The following KCNH8 variants were observed in gnomAD, a reference collection of about 807,000 sequenced individuals.
KCNH8 encodes potassium voltage-gated channel subfamily H member 8.
KCNH8 carries 70 observed loss-of-function variants against 103.6 expected under a neutral mutation model. That is an observed-to-expected ratio of 0.68 (90% CI 0.56 to 0.82). The LOEUF is 0.82. Ranked by LOEUF, KCNH8 falls within the 40% of genes least tolerant of loss-of-function variation. The pLI is 0.00. For synonymous variants in KCNH8, 498 were observed against 489.4 expected, an observed-to-expected ratio of 1.02 and a Z score of -0.23; for missense variants, 1,217 against 1,329.9, an observed-to-expected ratio of 0.92 and a Z score of 1.32.
intron 8 of KCNH8, among the ~76,000 whole-genome samples, chr3:19,446,890 C>A (rs1293769827): frequency 6.6e-6 from 1 of 151,952 alleles, no homozygotes; most frequent in Non-Finnish European, 1.5e-5. Flanking sequence ...AGAAGCACTT[C>A]TTTCATTTGA....
intron 7 of KCNH8, among the ~76,000 whole-genome samples, chr3:19,423,777 T>A (rs1166416662): frequency 6.6e-6 from 1 of 152,122 alleles, no homozygotes; most frequent in Non-Finnish European, 1.5e-5. Flanking sequence ...TAATGACTTC[T>A]TTTCCTCTGA....
intron 2 of KCNH8, among the ~76,000 whole-genome samples, chr3:19,261,593 G>C (rs1342227510): frequency 6.6e-6 from 1 of 151,622 alleles, no homozygotes; most frequent in Non-Finnish European, 1.5e-5. Context: ...AAGGTTTTTA[G>C]TTTGACGTAG....
chr3:19,461,528 T>C (rs1312163253), intron 11 of KCNH8, among the ~76,000 whole-genome samples: 2 of 152,122 alleles, frequency 1.3e-5, no homozygotes, highest in Non-Finnish European at 2.9e-5. Flanking sequence ...GGATTTTCTG[T>C]GGTTAAAGGC....
intron 7 of KCNH8, among the ~76,000 whole-genome samples, chr3:19,402,825 T>C (rs570765778): frequency 1.3e-5 from 2 of 152,024 alleles, no homozygotes; most frequent in South Asian, 4.1e-4. Flanking sequence ...CCTTCAGTGT[T>C]TGGAAGTTAT....
chr3:19,261,093 C>G (rs1304005928), intron 2 of KCNH8, among the ~76,000 whole-genome samples: 1 of 150,538 alleles, frequency 6.6e-6, no homozygotes, highest in Non-Finnish European at 1.5e-5. Flanking sequence ...GTGCAGATAT[C>G]TTTTTCTTTT....
intron 1 of KCNH8, among the ~76,000 whole-genome samples, chr3:19,186,911 A>T (rs986790979): frequency 1.3e-5 from 2 of 152,040 alleles, no homozygotes; most frequent in African/African-American, 4.8e-5. Flanking sequence ...AACATGCCAG[A>T]TAGTAAATAT....
intron 3 of KCNH8, among the ~76,000 whole-genome samples, chr3:19,288,613 C>G (rs1446466793): frequency 6.6e-6 from 1 of 152,142 alleles, no homozygotes; most frequent in East Asian, 1.9e-4. Context: ...GCCACATTTT[C>G]TTAATCCAGT....
chr3:19,384,705 A>T (rs536504039), intron 5 of KCNH8, among the ~76,000 whole-genome samples: 3 of 152,276 alleles, frequency 2.0e-5, no homozygotes, highest in Admixed American at 6.5e-5. Context: ...AACTCTGAAA[A>T]CAATGCTGGT....
intron 3 of KCNH8, among the ~76,000 whole-genome samples, chr3:19,303,137 A>G (rs924872284): frequency 3.3e-5 from 5 of 152,166 alleles, no homozygotes; most frequent in African/African-American, 9.7e-5. Context: ...GATTAGTGCA[A>G]TCAGAAAGCT....
intron 13 of KCNH8, among the ~76,000 whole-genome samples, chr3:19,513,564 T>G (rs2068824042): frequency 6.6e-6 from 1 of 152,172 alleles, no homozygotes; most frequent in African/African-American, 2.4e-5. Flanking sequence ...TTACTCCTTT[T>G]ATTCATTTTG....
chr3:19,500,125 C>G (rs1559359269), intron 11 of KCNH8, among the ~76,000 whole-genome samples: 1 of 152,120 alleles, frequency 6.6e-6, no homozygotes, highest in Non-Finnish European at 1.5e-5. Flanking sequence ...CAAAAAAAGG[C>G]AGGGGTTGCA....
At chr3:19,273,953 A>T (rs973385914) in intron 2 of KCNH8, among the ~76,000 whole-genome samples, 2 of 152,182 alleles carry the variant, frequency 1.3e-5, no homozygotes, top group African/African-American at 4.8e-5. Context: ...TCTTTTTATT[A>T]TAAAAAGGCT....
intron 7 of KCNH8, among the ~76,000 whole-genome samples, chr3:19,398,207 C>T (rs533784762): frequency 3.2e-4 from 49 of 151,852 alleles, no homozygotes; most frequent in South Asian, 6.2e-4. Flanking sequence ...ACTGGGGATA[C>T]CAAAACAAAT....
chr3:19,224,559 C>CTTTTT (rs34526650), intron 1 of KCNH8, among the ~76,000 whole-genome samples: 1 of 129,482 alleles, frequency 7.7e-6, no homozygotes, highest in African/African-American at 2.9e-5. Flanking sequence ...TTGTTTTGAA[C>CTTTTT]TTTTTTTTTT....
intron 1 of KCNH8, among the ~76,000 whole-genome samples, chr3:19,241,103 G>A (rs2064134950): frequency 1.3e-5 from 2 of 152,082 alleles, no homozygotes; most frequent in African/African-American, 4.8e-5. Flanking sequence ...TAATATTCAA[G>A]CTGTTTTCCT....
chr3:19,155,985 A>G (rs560945789), intron 1 of KCNH8, among the ~76,000 whole-genome samples: 42 of 152,274 alleles, frequency 2.8e-4, no homozygotes, highest in African/African-American at 1.0e-3. Flanking sequence ...AACTTCTTTG[A>G]AGGCCAGGGC....
chr3:19,500,590 C>T (rs2068557440), intron 11 of KCNH8, among the ~76,000 whole-genome samples: 1 of 152,222 alleles, frequency 6.6e-6, no homozygotes, highest in South Asian at 2.1e-4. Context: ...TCTCTCAGAC[C>T]ATAGTGCAAT....
intron 5 of KCNH8, among the ~76,000 whole-genome samples, chr3:19,356,162 A>C (rs1351807016): frequency 6.6e-6 from 1 of 152,032 alleles, no homozygotes; most frequent in Non-Finnish European, 1.5e-5. Context: ...TAAATGTTTC[A>C]TGAAGAAAGG....
intron 3 of KCNH8, among the ~76,000 whole-genome samples, chr3:19,325,342 G>T (rs1290594595): frequency 6.8e-6 from 1 of 146,634 alleles, no homozygotes; most frequent in Non-Finnish European, 1.5e-5. Flanking sequence ...TGACAAATGG[G>T]ACCTAATTAA....
Sources: gnomAD v4.1 joint callset for allele counts (sites outside exome capture counted in the v4.1 genomes callset) on GRCh38, gnomAD v4.1.1 for gene constraint, MANE v1.5 for transcripts, NCBI Gene and HGNC (gene_info 2026-07-23, HGNC 2026-07-21) for gene names.